STARD13: variants seen among roughly 807,000 people sequenced by gnomAD.
The protein encoded by STARD13 is StAR related lipid transfer domain containing 13, also known as stAR-related lipid transfer protein 13.
Under a neutral mutation model 106.4 loss-of-function variants are expected in STARD13, and 62 were observed. The observed-to-expected ratio is 0.58, with a 90% confidence interval of 0.48 to 0.72. The LOEUF is 0.72. Ranked by LOEUF, STARD13 falls within the 30% of genes least tolerant of loss-of-function variation. The pLI is 0.00. For missense variants in STARD13, 1,387 were observed against 1,424.0 expected, an observed-to-expected ratio of 0.97 and a Z score of 0.42; for synonymous variants, 565 against 553.0, an observed-to-expected ratio of 1.02 and a Z score of -0.31.
chr13:33,204,282 C>T (rs1322126687), intron 1 of STARD13, among the ~76,000 whole-genome samples: 1 of 152,214 alleles, frequency 6.6e-6, no homozygotes, highest in African/African-American at 2.4e-5. Context: ...TATGAATCTA[C>T]ACAACAACAG....
chr13:33,263,977 T>C (rs924283507), intron 1 of STARD13, among the ~76,000 whole-genome samples: 3 of 152,094 alleles, frequency 2.0e-5, no homozygotes, highest in Non-Finnish European at 4.4e-5. Flanking sequence ...CAAGACTAGA[T>C]CATAAAAAGT....
At chr13:33,524,242 G>A in the STARD13 span, 3 of 1,276,182 alleles carry the variant, frequency 2.4e-6, no homozygotes, top group South Asian at 3.8e-5. Flanking sequence ...ACTTACTTTA[G>A]TTTTTGGTTG....
At chr13:33,534,200 A>G in the STARD13 span, among the ~76,000 whole-genome samples, 2 of 152,196 alleles carry the variant, frequency 1.3e-5, no homozygotes, top group Admixed American at 6.5e-5. Flanking sequence ...CATCAATAGA[A>G]TGTCTATTTT....
the STARD13 span, among the ~76,000 whole-genome samples, chr13:33,481,796 G>A: frequency 1.8e-4 from 28 of 151,996 alleles, no homozygotes; most frequent in African/African-American, 4.3e-4. Context: ...TGGCTAACAC[G>A]GTGAAACCCT....
At chr13:33,439,804 A>C in the STARD13 span, 1 of 709,198 alleles carries the variant, frequency 1.4e-6, no homozygotes, top group Non-Finnish European at 2.0e-6. Flanking sequence ...GACAAAAAAT[A>C]AGATTGTAAA....
intron 3 of STARD13, among the ~76,000 whole-genome samples, chr13:33,147,989 T>C (rs1880776143): frequency 6.6e-6 from 1 of 152,216 alleles, no homozygotes; most frequent in South Asian, 2.1e-4. Flanking sequence ...TTTCCACAAA[T>C]GCTGTTGCAA....
chr13:33,170,945 C>G (rs937526733), intron 1 of STARD13, among the ~76,000 whole-genome samples: 1 of 152,108 alleles, frequency 6.6e-6, no homozygotes, highest in East Asian at 1.9e-4. Context: ...TTCTTCATGG[C>G]CCCTACTAAT....
chr13:33,338,674 G>A lies in STARD13; in HGVS notation c.124+11616C>T, dbSNP rs192078070. 6.6e-5 allele frequency among the ~76,000 whole-genome samples: 10 copies of A among 152,108 alleles called. 1 individual carries two copies. The highest frequency in any genetic ancestry group is 2.4e-4 in the African/African-American group (10 of 41,506). On this transcript the variant is annotated intron_variant, in intron 1 of 5. Coordinates refer to the STARD13 transcript ENST00000567873. ...ATCTAGAATGAGTTTATAAGATATA[G>A]GAGATCGAGACCATCCTGGCTAACA...
the STARD13 span, among the ~76,000 whole-genome samples, chr13:33,395,689 A>G: frequency 6.6e-6 from 1 of 152,172 alleles, no homozygotes; most frequent in Non-Finnish European, 1.5e-5. Flanking sequence ...CTAGAAACCA[A>G]CTATTAACTA....
intron 4 of STARD13, among the ~76,000 whole-genome samples, chr13:33,136,302 C>T (rs1221617734): frequency 6.6e-6 from 1 of 152,142 alleles, no homozygotes; most frequent in Non-Finnish European, 1.5e-5. Context: ...CACATATACG[C>T]ACACTTTCAA....
chr13:33,161,985 A>G (rs1410777512), intron 3 of STARD13, among the ~76,000 whole-genome samples: 1 of 152,076 alleles, frequency 6.6e-6, no homozygotes, highest in Non-Finnish European at 1.5e-5. Context: ...GATTCAAATT[A>G]TCTCCCACCG....
At chr13:33,342,914 GC>G (rs1005043672) in intron 1 of STARD13, among the ~76,000 whole-genome samples, 2 of 152,164 alleles carry the variant, frequency 1.3e-5, no homozygotes, top group Non-Finnish European at 2.9e-5. Flanking sequence ...TAACCAAAGA[GC>G]CCCCCAGGAC....
intron 1 of STARD13, among the ~76,000 whole-genome samples, chr13:33,234,075 C>T (rs1403509029): frequency 6.6e-6 from 1 of 152,176 alleles, no homozygotes; most frequent in Non-Finnish European, 1.5e-5. Context: ...TATCTGTGTA[C>T]ATATGTGGCT....
At chr13:33,428,200 G>GTTT in the STARD13 span, among the ~76,000 whole-genome samples, 10 of 152,246 alleles carry the variant, frequency 6.6e-5, no homozygotes, top group South Asian at 2.1e-3. Flanking sequence ...AGACTTAAAT[G>GTTT]TAAGACCCAA....
chr13:33,553,395 T>C, the STARD13 span, among the ~76,000 whole-genome samples: 1 of 151,960 alleles, frequency 6.6e-6, no homozygotes, highest in Non-Finnish European at 1.5e-5. Flanking sequence ...TTATAAATTT[T>C]ATGTTAAATG....
chr13:33,196,312 C>A (rs965732140), intron 1 of STARD13, among the ~76,000 whole-genome samples: 1 of 152,168 alleles, frequency 6.6e-6, no homozygotes, highest in African/African-American at 2.4e-5. Flanking sequence ...ATCGCTGGAA[C>A]CTGGGGGGCA....
the STARD13 span, among the ~76,000 whole-genome samples, chr13:33,387,004 A>G: frequency 1.3e-5 from 2 of 152,126 alleles, no homozygotes; most frequent in African/African-American, 4.8e-5. Flanking sequence ...GTGGAGGGAC[A>G]TGTCACCTAA....
intron 3 of STARD13, 105 bp downstream of exon 3, chr13:33,165,232 G>T: frequency 1.2e-6 from 1 of 833,192 alleles, no homozygotes; most frequent in Non-Finnish European, 2.1e-6. Flanking sequence ...CACATGGTAG[G>T]CACTCAGTGA....
the STARD13 span, among the ~76,000 whole-genome samples, chr13:33,592,416 T>C: frequency 6.6e-6 from 1 of 152,186 alleles, no homozygotes; most frequent in African/African-American, 2.4e-5. Flanking sequence ...GGTGCTAAGA[T>C]GATCAGAAGG....
Sources: gnomAD v4.1 joint callset for allele counts (sites outside exome capture counted in the v4.1 genomes callset) on GRCh38, gnomAD v4.1.1 for gene constraint, MANE v1.5 for transcripts, NCBI Gene and HGNC (gene_info 2026-07-23, HGNC 2026-07-21) for gene names.